Variants in PLA2G5 observed in about 807,000 individuals in gnomAD.
The protein encoded by PLA2G5 is phospholipase A2 group V, also known as Ca2+-dependent phospholipase A2.
PLA2G5 carries 12 observed loss-of-function variants against 15.9 expected under a neutral mutation model. That is an observed-to-expected ratio of 0.76 (90% confidence interval 0.48 to 1.23). PLA2G5 has a LOEUF of 1.23. PLA2G5 is among the 50% of genes most tolerant of loss of function. PLA2G5 has a pLI of 0.00. For missense variants in PLA2G5, 169 were observed against 177.1 expected, an observed-to-expected ratio of 0.95 and a Z score of 0.26; for synonymous variants, 71 against 71.4, an observed-to-expected ratio of 0.99 and a Z score of 0.03.
At chr1:20,057,392 A>C (rs1449125778) in intron 1 of PLA2G5, among the ~76,000 whole-genome samples, 2 of 151,390 alleles carry the variant, frequency 1.3e-5, no homozygotes, top group African/African-American at 4.9e-5. Context: ...GCATCCCATA[A>C]ATTTTTTGGG....
In PLA2G5 at chr1:20,089,815, A is replaced by G. The variant is rs1422616008; in HGVS notation, c.212A>G (p.Tyr71Cys). Reference protein sequence around the residue: ...DWCCWAHDHCYGRLEEKGCNI... With the variant: ...DWCCWAHDHCCGRLEEKGCNI... ...TGCTGTTGGGCGCATGACCACTGCT[A>G]TGGGCGGCTGGAGGAGAAGGGCTGC... is the stretch of plus-strand genomic sequence containing the variant. The change falls in exon 4 of 5, where the codon TAT (tyrosine) becomes TGT (cysteine). Residue 71 changes from tyrosine to cysteine, a missense_variant. Tyr to Cys is a radical substitution (Grantham distance 194, BLOSUM62 -2). Coordinates refer to ENST00000375108, the MANE Select transcript of PLA2G5 (RefSeq NM_000929.3). 1.2e-6 allele frequency: 2 copies of G among 1,614,000 alleles called. No individual in the cohort carries two copies. Among genetic ancestry groups the G allele is most frequent in the African/African-American group, 1.3e-5 (1 of 74,942 alleles).
intron 1 of PLA2G5, among the ~76,000 whole-genome samples, chr1:20,072,622 A>AGCTGT (rs1262097647): frequency 6.6e-6 from 1 of 152,200 alleles, no homozygotes; most frequent in Non-Finnish European, 1.5e-5. Context: ...TTGGGGGCCA[A>AGCTGT]GCTGTGCGAG....
chr1:20,086,164 A>ACGGCTT lies in PLA2G5; in HGVS notation c.124_129dup (p.Gly42_Phe43dup), dbSNP rs1281377966. 2 of 1,614,070 alleles carry ACGGCTT rather than the reference A, an allele frequency of 1.2e-6. No individual in the cohort carries two copies. Among genetic ancestry groups the ACGGCTT allele is most frequent in the Middle Eastern group, 1.6e-4 (1 of 6,062 alleles). ...ACAGGGAAGAACGCCCTGACAAACT[A>ACGGCTT]CGGCTTCTACGGCTGTTACTGCGGC... On this transcript the variant is annotated inframe_insertion, in exon 3 of 5. Coordinates refer to ENST00000375108, the MANE Select transcript of PLA2G5 (RefSeq NM_000929.3).
Position 20,089,898 on chromosome 1 carries a change from A to C in PLA2G5, c.292+3A>C, listed in dbSNP as rs753132053. The C allele has an allele frequency of 6.2e-7, 1 of 1,608,040 alleles. No homozygotes were observed. Among genetic ancestry groups the C allele is most frequent in the Non-Finnish European group, 8.5e-7 (1 of 1,175,354 alleles). ...CGCGTGGGGCGTGGTCACCTGCGGT[A>C]AGGCTGGGGCTTCCCGTTCGGGCCA... is the stretch of plus-strand genomic sequence containing the variant. On this transcript the variant is annotated splice_donor_region_variant and intron_variant, in intron 4 of 4. Coordinates refer to ENST00000375108, the MANE Select transcript of PLA2G5 (RefSeq NM_000929.3).
chr1:20,084,948 T>C (rs1057287768), intron 2 of PLA2G5, 78 bp downstream of exon 2: 15 of 989,574 alleles, frequency 1.5e-5, no homozygotes, highest in Admixed American at 3.4e-5. Context: ...ACACCAGCCA[T>C]TGAGGTCGTA....
intron 1 of PLA2G5, among the ~76,000 whole-genome samples, chr1:20,035,980 C>T (rs994676917): frequency 6.6e-6 from 1 of 152,056 alleles, no homozygotes; most frequent in African/African-American, 2.4e-5. Context: ...AGGACTTTAT[C>T]TTTCTTTCAT....
At chr1:20,075,672 CA>C (rs905240864) in intron 1 of PLA2G5, among the ~76,000 whole-genome samples, 18 of 152,060 alleles carry the variant, frequency 1.2e-4, no homozygotes, top group Admixed American at 1.0e-3. Context: ...AGGCAGAGAG[CA>C]ATTGTGAGGC....
At chr1:20,053,337 A>C (rs1439982672) in intron 1 of PLA2G5, among the ~76,000 whole-genome samples, 3 of 152,196 alleles carry the variant, frequency 2.0e-5, no homozygotes, top group Non-Finnish European at 4.4e-5. Context: ...GTGAGAAACA[A>C]ATTTACTAAC....
upstream of PLA2G5, among the ~76,000 whole-genome samples, chr1:20,066,946 T>C (rs771950502): frequency 3.9e-5 from 6 of 152,088 alleles, no homozygotes; most frequent in Admixed American, 2.0e-4. Context: ...TTCGAGATGG[T>C]AGTGAGCCAT....
At chr1:20,048,916 G>A (rs2014047435) in intron 1 of PLA2G5, among the ~76,000 whole-genome samples, 2 of 152,014 alleles carry the variant, frequency 1.3e-5, no homozygotes, top group Admixed American at 1.3e-4. Context: ...CATTATTTGG[G>A]TATTTTCCAA....
chr1:20,079,246 A>G (rs185570184), intron 1 of PLA2G5, among the ~76,000 whole-genome samples: 1 of 152,190 alleles, frequency 6.6e-6, no homozygotes, highest in African/African-American at 2.4e-5. Context: ...AGAACATTCT[A>G]GAAGGTGAGC....
chr1:20,090,869 C>G lies in PLA2G5; in HGVS notation c.*177C>G, dbSNP rs2016536406. On this transcript the variant is annotated 3_prime_UTR_variant, in exon 5 of 5. Coordinates refer to ENST00000375108, the MANE Select transcript of PLA2G5 (RefSeq NM_000929.3). ...CCTCCAGCGAGTCCCAGGAGAGTGA[C>G]TCTGGTCATAGGACTTGGTAGGGTC... 1 of 633,174 alleles carries G rather than the reference C, an allele frequency of 1.6e-6. No homozygotes were observed. The highest frequency in any genetic ancestry group is 1.8e-5 in the African/African-American group (1 of 54,612). 39.2% of individuals were successfully genotyped at this position (633,174 alleles called of 1,614,324 possible).
rs199902860 is a variant in PLA2G5, at chr1:20,086,129, C to T, written c.87C>T (p.Ile29=). Residue 29 remains isoleucine, a synonymous_variant, in exon 3 of 5, where the codon ATC becomes ATT. Transcript: ENST00000375108. Reference sequence around the variant, plus strand: ...GCTTGCTGGACCTAAAATCAATGATCGAGAAGGTGACAGGGAAGAACGCCC... The same window carrying T: ...GCTTGCTGGACCTAAAATCAATGATTGAGAAGGTGACAGGGAAGAACGCCC... ...QGGLLDLKSM[I]EKVTGKNALT... is the part of the protein sequence containing the mutation. 28 of 1,614,034 alleles carry T rather than the reference C, an allele frequency of 1.7e-5. No homozygotes were observed. The highest frequency in any genetic ancestry group is 7.7e-5 in the South Asian group (7 of 91,072).
In PLA2G5 at chr1:20,090,875, T is replaced by A; in HGVS notation, c.*183T>A. ...GCGAGTCCCAGGAGAGTGACTCTGGTCATAGGACTTGGTAGGGTCCCAGGG... is the reference window on the plus strand; with the variant it reads ...GCGAGTCCCAGGAGAGTGACTCTGGACATAGGACTTGGTAGGGTCCCAGGG... On this transcript the variant is annotated 3_prime_UTR_variant, in exon 5 of 5. Coordinates refer to ENST00000375108, the MANE Select transcript of PLA2G5 (RefSeq NM_000929.3). 1 of 611,658 alleles carries A rather than the reference T, an allele frequency of 1.6e-6. No homozygotes were observed. The highest frequency in any genetic ancestry group is 2.8e-6 in the Non-Finnish European group (1 of 351,270). 37.9% of individuals were successfully genotyped at this position (611,658 alleles called of 1,614,324 possible).
At chr1:20,033,214 T>C (rs2100278457) in intron 1 of PLA2G5, among the ~76,000 whole-genome samples, 1 of 152,298 alleles carries the variant, frequency 6.6e-6, no homozygotes, top group Non-Finnish European at 1.5e-5. Flanking sequence ...AATGATGACA[T>C]AGCCAGCTGC....
At chr1:20,076,096 C>A (rs975180722) in intron 1 of PLA2G5, among the ~76,000 whole-genome samples, 2 of 152,134 alleles carry the variant, frequency 1.3e-5, no homozygotes, top group Non-Finnish European at 1.5e-5. Flanking sequence ...TGGTCTCGAA[C>A]TCCTGACCTC....
chr1:20,032,764 A>G (rs1170316110), intron 1 of PLA2G5, among the ~76,000 whole-genome samples: 2 of 152,130 alleles, frequency 1.3e-5, no homozygotes, highest in East Asian at 3.9e-4. Flanking sequence ...TGGATGAGTG[A>G]GGTTTGTTCT....
chr1:20,089,109 A>C (rs2016438189), intron 3 of PLA2G5, among the ~76,000 whole-genome samples: 1 of 152,244 alleles, frequency 6.6e-6, no homozygotes, highest in Non-Finnish European at 1.5e-5. Context: ...CTGCGATCAC[A>C]TACTTTAAAT....
rs201042113 is a variant in PLA2G5 at position 20,053,579 on chromosome 1, G to C, written n.277-6053G>C. Reference sequence around the variant, plus strand: ...ATTATGTATTACTTTGCGGGGGGGGGGGTGATATGCAAAACTTTCCCTTGT... The same window carrying C: ...ATTATGTATTACTTTGCGGGGGGGGCGGTGATATGCAAAACTTTCCCTTGT... On this transcript the variant is annotated intron_variant and non_coding_transcript_variant, in intron 1 of 6. Coordinates refer to the PLA2G5 transcript ENST00000460175. Among the ~76,000 whole-genome samples the C allele has an allele frequency of 3.7e-4, 52 of 140,314 alleles. 1 individual carries two copies. The highest frequency in any genetic ancestry group is 6.1e-4 in the Non-Finnish European group (40 of 65,108). 92.1% of individuals were successfully genotyped at this position (140,314 alleles called of 152,430 possible).
Sources: gnomAD v4.1 joint callset for allele counts (sites outside exome capture counted in the v4.1 genomes callset) on GRCh38, gnomAD v4.1.1 for gene constraint, MANE v1.5 for transcripts, NCBI Gene and HGNC (gene_info 2026-07-23, HGNC 2026-07-21) for gene names.